The following IQCJ variants were observed in gnomAD, a reference collection of about 807,000 sequenced individuals.
IQCJ encodes the protein IQ domain-containing protein J.
IQCJ carries 9 observed loss-of-function variants against 11.0 expected under a neutral mutation model. The observed-to-expected ratio is 0.82, with a 90% CI of 0.49 to 1.43. IQCJ has a LOEUF of 1.43. IQCJ is among the 40% of genes most tolerant of loss of function. The pLI is 0.00. For synonymous variants in IQCJ, 55 were observed against 51.3 expected (o/e 1.07, Z -0.31); for missense variants, 146 against 133.2 (o/e 1.10, Z -0.47).
At chr3:159,190,453 AG>A (rs1250201739) in intron 1 of IQCJ, among the ~76,000 whole-genome samples, 14 of 152,332 alleles carry the variant, frequency 9.2e-5, no homozygotes, top group East Asian at 1.9e-4. Context: ...TGGTAATGGA[AG>A]GACACATGAG....
chr3:159,247,928 C>A (rs533092934), intron 2 of IQCJ, among the ~76,000 whole-genome samples: 2 of 152,196 alleles, frequency 1.3e-5, no homozygotes, highest in South Asian at 4.1e-4. Flanking sequence ...ATGCCAAACA[C>A]CATACTTTAC....
intron 1 of IQCJ, among the ~76,000 whole-genome samples, chr3:159,070,569 T>C (rs191269434): frequency 2.1e-3 from 318 of 152,254 alleles, no homozygotes; most frequent in African/African-American, 7.5e-3. Flanking sequence ...TGCTTACTTT[T>C]GTAATAGAAA....
intron 1 of IQCJ, among the ~76,000 whole-genome samples, chr3:159,201,034 A>T (rs567523740): frequency 6.6e-6 from 1 of 152,306 alleles, no homozygotes; most frequent in South Asian, 2.1e-4. Flanking sequence ...TATAAGAAAG[A>T]AGTAAAGAAG....
intron 1 of IQCJ, among the ~76,000 whole-genome samples, chr3:159,076,816 A>G (rs749099440): frequency 6.6e-6 from 1 of 152,134 alleles, no homozygotes; most frequent in Non-Finnish European, 1.5e-5. Context: ...CCTAGGCTCA[A>G]ATCTGAGCAT....
intron 1 of IQCJ, among the ~76,000 whole-genome samples, chr3:159,170,947 T>C (rs1408066950): frequency 1.3e-5 from 2 of 152,236 alleles, no homozygotes; most frequent in Admixed American, 1.3e-4. Flanking sequence ...CTAGGCATGA[T>C]TGTATTTAAA....
chr3:159,259,650 G>C (rs1387217159), intron 3 of IQCJ, among the ~76,000 whole-genome samples: 1 of 152,178 alleles, frequency 6.6e-6, no homozygotes, highest in Non-Finnish European at 1.5e-5. Flanking sequence ...CATGTTGTAG[G>C]AATCGCCAAG....
chr3:159,252,800 G>A lies in IQCJ; in HGVS notation c.148G>A (p.Val50Met), dbSNP rs1209334661. 21 of 1,610,902 alleles carry A rather than the reference G, an allele frequency of 1.3e-5. No homozygotes were observed. Among genetic ancestry groups the A allele is most frequent in the Non-Finnish European group, 1.8e-5 (21 of 1,178,626 alleles). The change falls in exon 3 of 4, where the codon GTG (valine) becomes ATG (methionine). Residue 50 changes from valine (V) to methionine (M), a missense_variant. Physicochemically the swap from Val to Met is conservative, Grantham distance 21. Coordinates refer to ENST00000397832, the MANE Select transcript of IQCJ (RefSeq NM_001042706.3). ...PLNLQPLESK[V>M]KIIQRAWREY... ...CAATCTACAGCCCTTGGAATCAAAG[G>A]TGAAAATGTAAGTTATTTCAAAGTA...
intron 1 of IQCJ, among the ~76,000 whole-genome samples, chr3:159,080,334 A>G (rs1303364699): frequency 6.6e-6 from 1 of 152,096 alleles, no homozygotes; most frequent in Non-Finnish European, 1.5e-5. Context: ...AGAATAAAAC[A>G]GTCAGGGGCG....
At chr3:159,226,231 G>A (rs1021137138) in intron 1 of IQCJ, among the ~76,000 whole-genome samples, 2 of 152,112 alleles carry the variant, frequency 1.3e-5, no homozygotes, top group African/African-American at 4.8e-5. Context: ...GGTCTGGGGT[G>A]GGCTGAAAGT....
chr3:159,186,804 T>TCTAA (rs1723397471), intron 1 of IQCJ, among the ~76,000 whole-genome samples: 1 of 152,222 alleles, frequency 6.6e-6, no homozygotes, highest in East Asian at 1.9e-4. Flanking sequence ...AACTAGCAGG[T>TCTAA]CTAAACCAGC....
At chr3:159,238,199 T>C (rs1421024305) in intron 1 of IQCJ, among the ~76,000 whole-genome samples, 1 of 152,196 alleles carries the variant, frequency 6.6e-6, no homozygotes, top group Non-Finnish European at 1.5e-5. Flanking sequence ...TGTCCAACCG[T>C]GCTCCAGCAA....
At chr3:159,194,602 T>C (rs1169730371) in intron 1 of IQCJ, among the ~76,000 whole-genome samples, 2 of 152,252 alleles carry the variant, frequency 1.3e-5, no homozygotes, top group Admixed American at 1.3e-4. Flanking sequence ...GAGTATCCTT[T>C]GATCCCTCTG....
intron 1 of IQCJ, among the ~76,000 whole-genome samples, chr3:159,083,505 C>T (rs1042745357): frequency 3.3e-5 from 5 of 152,108 alleles, no homozygotes; most frequent in African/African-American, 9.7e-5. Context: ...CACTCAGACA[C>T]TGGTGAGAAT....
At chr3:159,206,591 A>G (rs922176945) in intron 1 of IQCJ, among the ~76,000 whole-genome samples, 1 of 152,218 alleles carries the variant, frequency 6.6e-6, no homozygotes, top group African/African-American at 2.4e-5. Context: ...TTGAAAGTGG[A>G]TAATGTGTGT....
intron 1 of IQCJ, among the ~76,000 whole-genome samples, chr3:159,245,529 T>C (rs540997768): frequency 6.7e-6 from 1 of 149,842 alleles, no homozygotes; most frequent in Admixed American, 6.7e-5. Flanking sequence ...TGGCGCAATC[T>C]TGGCTCACTG....
intron 1 of IQCJ, among the ~76,000 whole-genome samples, chr3:159,073,415 G>T (rs1218300664): frequency 5.9e-5 from 9 of 152,040 alleles, no homozygotes; most frequent in Non-Finnish European, 1.3e-4. Flanking sequence ...GGTGCCTAGG[G>T]TGAAGAATTT....
intron 1 of IQCJ, among the ~76,000 whole-genome samples, chr3:159,136,586 T>C (rs1720302621): frequency 6.6e-6 from 1 of 152,180 alleles, no homozygotes; most frequent in African/African-American, 2.4e-5. Context: ...AAGTCCAAGA[T>C]TAAGGTGCCC....
chr3:159,073,699 A>G (rs1156797615), intron 1 of IQCJ, among the ~76,000 whole-genome samples: 5 of 152,032 alleles, frequency 3.3e-5, no homozygotes, highest in Admixed American at 2.6e-4. Context: ...AGCATCATCT[A>G]TGTTAAATAC....
intron 1 of IQCJ, among the ~76,000 whole-genome samples, chr3:159,235,667 G>T (rs1243220794): frequency 1.3e-5 from 2 of 152,142 alleles, no homozygotes; most frequent in Non-Finnish European, 2.9e-5. Flanking sequence ...AATTATCTCA[G>T]ATCCAAGGTT....
Sources: allele counts gnomAD v4.1 joint callset (sites outside exome capture counted in the v4.1 genomes callset), GRCh38; gene constraint gnomAD v4.1.1; transcripts MANE v1.5; gene names NCBI Gene and HGNC (gene_info 2026-07-23, HGNC 2026-07-21).